RALGAPA1: variants seen among roughly 807,000 people sequenced by gnomAD.
RALGAPA1 encodes the protein Ral GTPase activating protein catalytic subunit alpha 1.
In RALGAPA1, 52 loss-of-function variants were observed where a neutral mutation model predicts 269.6. The ratio of observed to expected loss-of-function variants is 0.19; its 90% CI spans 0.15 to 0.24. The LOEUF is 0.24. Among genes scored for constraint, RALGAPA1 ranks in the 10% least tolerant of loss-of-function variants. The pLI is 1.00. For missense variants in RALGAPA1, 1,917 were observed against 3,013.9 expected, an observed-to-expected ratio of 0.64 and a Z score of 8.52; for synonymous variants, 817 against 1,008.3, an observed-to-expected ratio of 0.81 and a Z score of 3.60.
At chr14:35,657,512 CAT>C (rs2063264184) in intron 28 of RALGAPA1, among the ~76,000 whole-genome samples, 2 of 150,430 alleles carry the variant, frequency 1.3e-5, no homozygotes, top group African/African-American at 4.9e-5. Context: ...TCTAAAAAAA[CAT>C]ATACTAAAAA....
chr14:35,580,469 G>C (rs917674972), intron 37 of RALGAPA1, among the ~76,000 whole-genome samples: 1 of 152,140 alleles, frequency 6.6e-6, no homozygotes, highest in Non-Finnish European at 1.5e-5. Context: ...TTGGACTGGG[G>C]TTATATCAGG....
chr14:35,702,840 T>C (rs1224533974), intron 16 of RALGAPA1, among the ~76,000 whole-genome samples: 1 of 151,376 alleles, frequency 6.6e-6, no homozygotes, highest in East Asian at 1.9e-4. Flanking sequence ...CCTGGTTTCA[T>C]GCCATTCTCC....
intron 31 of RALGAPA1, among the ~76,000 whole-genome samples, chr14:35,649,957 A>C (rs1431894997): frequency 6.6e-6 from 1 of 152,234 alleles, no homozygotes. Context: ...ATTAATAGCT[A>C]GACTTCTGGA....
At chr14:35,804,507 T>G (rs1397459729) in intron 1 of RALGAPA1, among the ~76,000 whole-genome samples, 1 of 151,546 alleles carries the variant, frequency 6.6e-6, no homozygotes, top group Non-Finnish European at 1.5e-5. Flanking sequence ...AGGCAGAGAT[T>G]GCAGTGAGCC....
At chr14:35,573,753 A>C (rs2057376065) in intron 37 of RALGAPA1, among the ~76,000 whole-genome samples, 1 of 152,178 alleles carries the variant, frequency 6.6e-6, no homozygotes, top group South Asian at 2.1e-4. Context: ...TGAATAATAT[A>C]AATGTGTGGG....
intron 31 of RALGAPA1, among the ~76,000 whole-genome samples, chr14:35,641,886 G>A (rs1224430852): frequency 6.6e-6 from 1 of 152,042 alleles, no homozygotes; most frequent in Non-Finnish European, 1.5e-5. Flanking sequence ...GTATGGAACT[G>A]GCATAAAAAC....
intron 33 of RALGAPA1, among the ~76,000 whole-genome samples, chr14:35,628,895 T>C (rs989929944): frequency 5.3e-5 from 8 of 151,220 alleles, no homozygotes; most frequent in South Asian, 2.1e-4. Context: ...AAAAAAATCA[T>C]AGGAAACAGT....
intron 1 of RALGAPA1, among the ~76,000 whole-genome samples, chr14:35,795,579 T>C (rs1460331619): frequency 6.6e-6 from 1 of 152,020 alleles, no homozygotes; most frequent in African/African-American, 2.4e-5. Flanking sequence ...TACTAGACAA[T>C]AATTAACCCT....
At chr14:35,762,910 G>T (rs549781155) in intron 4 of RALGAPA1, among the ~76,000 whole-genome samples, 157 bp from the exon 5 acceptor site, 1 of 152,110 alleles carries the variant, frequency 6.6e-6, no homozygotes, top group East Asian at 1.9e-4. Flanking sequence ...GGGATCAGAA[G>T]GGCATATAAA....
intron 32 of RALGAPA1, 29 bp downstream of exon 32, chr14:35,635,435 C>G (rs565382283): frequency 1.3e-6 from 2 of 1,548,186 alleles, no homozygotes; most frequent in South Asian, 2.5e-5. Flanking sequence ...TCTTGGTTAC[C>G]AAATAAATAA....
In RALGAPA1 at chr14:35,688,894, G is replaced by A. The variant is rs2066223593; in HGVS notation, c.3517C>T (p.Pro1173Ser). ...AGCTTCCGCAGTCTCATCTTCCATGGAGCCTCTTTGTTTTCCAGAGGATTA... is the reference window on the plus strand; with the variant it reads ...AGCTTCCGCAGTCTCATCTTCCATGAAGCCTCTTTGTTTTCCAGAGGATTA... ...FYNPLENKEAPWKMRLRKLGG... is the reference protein window; with the variant it reads ...FYNPLENKEASWKMRLRKLGG... Residue 1173 changes from proline to serine, a missense_variant, in exon 18 of 42, where the codon CCA becomes TCA. Pro to Ser is a moderately conservative substitution (Grantham distance 74, BLOSUM62 -1). Coordinates refer to ENST00000680220, the MANE Select transcript of RALGAPA1 (RefSeq NM_001346249.2). 5.5e-6 allele frequency: 7 copies of A among 1,266,156 alleles called. No individual in the cohort carries two copies. Among genetic ancestry groups the A allele is most frequent in the Non-Finnish European group, 6.0e-6 (6 of 1,008,056 alleles). 78.4% of individuals were successfully genotyped at this position (1,266,156 alleles called of 1,614,324 possible).
chr14:35,753,526 G>A (rs1403823184), intron 7 of RALGAPA1, among the ~76,000 whole-genome samples: 1 of 152,050 alleles, frequency 6.6e-6, no homozygotes, highest in Non-Finnish European at 1.5e-5. Context: ...ATGAAGTATC[G>A]ATACGTGCTA....
chr14:35,754,166 A>C (rs968495116), intron 7 of RALGAPA1, among the ~76,000 whole-genome samples: 2 of 152,212 alleles, frequency 1.3e-5, no homozygotes, highest in Non-Finnish European at 1.5e-5. Flanking sequence ...AACGTAGGAG[A>C]ATATCTTTGT....
chr14:35,637,292 T>G (rs2061724272), intron 31 of RALGAPA1, among the ~76,000 whole-genome samples: 1 of 152,082 alleles, frequency 6.6e-6, no homozygotes. Context: ...AAACAGCTGT[T>G]TTGAAGAAGC....
intron 39 of RALGAPA1, among the ~76,000 whole-genome samples, chr14:35,560,995 C>T (rs568046298): frequency 4.0e-5 from 6 of 151,560 alleles, no homozygotes; most frequent in Admixed American, 2.0e-4. Flanking sequence ...TTTGGGAGGC[C>T]GAGGCAGATG....
At chr14:35,585,090 C>A (rs1040207786) in intron 37 of RALGAPA1, among the ~76,000 whole-genome samples, 1 of 152,098 alleles carries the variant, frequency 6.6e-6, no homozygotes, top group Non-Finnish European at 1.5e-5. Context: ...AGAGAAGCCT[C>A]ATATAACAAA....
chr14:35,545,524 A>G (rs2054378473), intron 41 of RALGAPA1, among the ~76,000 whole-genome samples: 1 of 152,108 alleles, frequency 6.6e-6, no homozygotes. Flanking sequence ...TAATTATAAA[A>G]AGTGTTATGT....
chr14:35,657,936 T>C (rs2063306705), intron 28 of RALGAPA1, among the ~76,000 whole-genome samples: 1 of 152,014 alleles, frequency 6.6e-6, no homozygotes, highest in Non-Finnish European at 1.5e-5. Flanking sequence ...AATGAGATAA[T>C]AAATATAAGG....
intron 39 of RALGAPA1, among the ~76,000 whole-genome samples, chr14:35,559,705 T>C (rs984178775): frequency 6.6e-6 from 1 of 152,192 alleles, no homozygotes; most frequent in Non-Finnish European, 1.5e-5. Context: ...ACAGATAAGA[T>C]GGTGGTAATG....
Sources: allele counts gnomAD v4.1 joint callset (sites outside exome capture counted in the v4.1 genomes callset), GRCh38; gene constraint gnomAD v4.1.1; transcripts MANE v1.5; gene names NCBI Gene and HGNC (gene_info 2026-07-23, HGNC 2026-07-21).